Variants in SNTG1 observed in about 807,000 individuals in gnomAD.
SNTG1 encodes syntrophin gamma 1, also known as gamma-1-syntrophin.
Under a neutral mutation model 74.7 loss-of-function variants are expected in SNTG1, and 39 were observed. That is an observed-to-expected ratio of 0.52 (90% confidence interval 0.40 to 0.68). The LOEUF is 0.68. Ranked by LOEUF, SNTG1 falls within the 30% of genes least tolerant of loss-of-function variation. The pLI is 0.00. For synonymous variants in SNTG1, 254 were observed against 217.1 expected, an observed-to-expected ratio of 1.17 and a Z score of -1.49; for missense variants, 685 against 609.5, an observed-to-expected ratio of 1.12 and a Z score of -1.30.
At chr8:50,767,174 A>G (rs766974041) in intron 18 of SNTG1, among the ~76,000 whole-genome samples, 8 of 151,962 alleles carry the variant, frequency 5.3e-5, no homozygotes, top group Non-Finnish European at 1.2e-4. Context: ...AACAATTCAT[A>G]TACATATTCC....
intron 2 of SNTG1, among the ~76,000 whole-genome samples, chr8:50,270,957 T>TA (rs2087747263): frequency 6.6e-6 from 1 of 152,164 alleles, no homozygotes. Flanking sequence ...AAAGTTACTC[T>TA]AAATATGTGC....
chr8:50,749,935 G>T (rs900394043), intron 17 of SNTG1, among the ~76,000 whole-genome samples: 2 of 151,938 alleles, frequency 1.3e-5, no homozygotes, highest in Non-Finnish European at 2.9e-5. Context: ...GAGTATTTTC[G>T]ACTTTCAAGT....
chr8:50,502,790 C>T lies in SNTG1; in HGVS notation c.376C>T (p.Arg126Trp), dbSNP rs1162043922. 1.4e-5 allele frequency: 22 copies of T among 1,611,686 alleles called. No individual in the cohort carries two copies. Among genetic ancestry groups the T allele is most frequent in the African/African-American group, 9.4e-5 (7 of 74,816 alleles). ...TTCTTTTTTTCAGGTTCAGGTTCTT[C>T]GGAATGCTGGAGAAGAAGTGACTCT... Reference protein sequence around the residue: ...CRHEEVVQVLRNAGEEVTLTV... With the variant: ...CRHEEVVQVLWNAGEEVTLTV... The change falls in exon 9 of 19, where the codon CGG (arginine) becomes TGG (tryptophan). Residue 126 changes from arginine to tryptophan, a missense_variant. Arg to Trp is a moderately radical substitution (Grantham distance 101, BLOSUM62 -3). Coordinates refer to ENST00000642720, the MANE Select transcript of SNTG1 (RefSeq NM_018967.5).
intron 17 of SNTG1, among the ~76,000 whole-genome samples, chr8:50,744,102 TC>T (rs1563801231): frequency 6.6e-6 from 1 of 151,982 alleles, no homozygotes; most frequent in Non-Finnish European, 1.5e-5. Flanking sequence ...GCCCCCGTGA[TC>T]CACACACCTC....
At chr8:49,966,642 A>C (rs1811169103) in intron 1 of SNTG1, among the ~76,000 whole-genome samples, 1 of 151,922 alleles carries the variant, frequency 6.6e-6, no homozygotes, top group Non-Finnish European at 1.5e-5. Flanking sequence ...TGATCCATCC[A>C]CCTTGGCCTC....
intron 11 of SNTG1, among the ~76,000 whole-genome samples, chr8:50,550,834 T>C (rs1181889597): frequency 6.6e-6 from 1 of 152,138 alleles, no homozygotes; most frequent in African/African-American, 2.4e-5. Flanking sequence ...ACTATTTTTG[T>C]TTATCTTGAG....
At position 50,001,424 on chromosome 8, in the gene SNTG1, T is replaced by C. The variant is rs1374429056; in HGVS notation, c.-103+89193T>C. ...TGGCCTTGAACTGCTAGAAACTATA[T>C]TAGTGTTTACTGAAGTCTTTATAGG... is the stretch of plus-strand genomic sequence containing the variant. On this transcript the variant is annotated intron_variant, in intron 1 of 18. Coordinates refer to ENST00000642720, the MANE Select transcript of SNTG1 (RefSeq NM_018967.5). Among the ~76,000 whole-genome samples the C allele has an allele frequency of 2.0e-5, 3 of 152,090 alleles. No homozygotes were observed. In the East Asian group the frequency reaches 5.8e-4, roughly 29 times the overall value.
intron 1 of SNTG1, among the ~76,000 whole-genome samples, chr8:50,087,525 G>A (rs1329743514): frequency 6.6e-6 from 1 of 151,908 alleles, no homozygotes; most frequent in Admixed American, 6.6e-5. Flanking sequence ...TTTCTCTTTT[G>A]TTTCTAAAAT....
At chr8:50,606,662 A>G (rs2094815086) in intron 13 of SNTG1, among the ~76,000 whole-genome samples, 1 of 151,642 alleles carries the variant, frequency 6.6e-6, no homozygotes. Context: ...CATAGGGGAA[A>G]TCATTAAATA....
At chr8:50,452,926 G>C (rs539939936) in intron 8 of SNTG1, among the ~76,000 whole-genome samples, 1 of 152,286 alleles carries the variant, frequency 6.6e-6, no homozygotes, top group South Asian at 2.1e-4. Context: ...AGAGAATGTA[G>C]GTGGTTTTGA....
chr8:50,477,800 A>G (rs2093708763), intron 8 of SNTG1, among the ~76,000 whole-genome samples: 1 of 152,162 alleles, frequency 6.6e-6, no homozygotes, highest in Non-Finnish European at 1.5e-5. Context: ...TAACACAACC[A>G]TTCTATTTTT....
At chr8:50,371,097 T>C (rs2092257900) in intron 2 of SNTG1, among the ~76,000 whole-genome samples, 1 of 152,164 alleles carries the variant, frequency 6.6e-6, no homozygotes, top group East Asian at 1.9e-4. Flanking sequence ...CATGGGTCTT[T>C]ATGATTTTGG....
intron 9 of SNTG1, among the ~76,000 whole-genome samples, chr8:50,510,093 ATAAC>A (rs2094053548): frequency 6.6e-6 from 1 of 152,214 alleles, no homozygotes; most frequent in South Asian, 2.1e-4. Flanking sequence ...CATCCCATCA[ATAAC>A]TAATTTATTG....
intron 2 of SNTG1, among the ~76,000 whole-genome samples, chr8:50,354,336 G>A (rs1348996552): frequency 1.3e-5 from 2 of 152,092 alleles, no homozygotes; most frequent in African/African-American, 4.8e-5. Flanking sequence ...CTTTAAATTA[G>A]AGTCTATCAA....
intron 17 of SNTG1, among the ~76,000 whole-genome samples, chr8:50,717,087 C>T (rs1341544129): frequency 6.6e-6 from 1 of 152,110 alleles, no homozygotes; most frequent in African/African-American, 2.4e-5. Flanking sequence ...TGAAAATTAA[C>T]ACATAATTCA....
At chr8:50,691,023 G>C (rs1425131292) in intron 15 of SNTG1, among the ~76,000 whole-genome samples, 2 of 152,128 alleles carry the variant, frequency 1.3e-5, no homozygotes, top group Non-Finnish European at 1.5e-5. Context: ...TGTCTCTTTT[G>C]ATCTTTGTTG....
intron 1 of SNTG1, among the ~76,000 whole-genome samples, chr8:50,150,805 C>T (rs549718741): frequency 5.3e-4 from 81 of 152,240 alleles, no homozygotes; most frequent in Non-Finnish European, 2.2e-4. Context: ...CTGCTGGATT[C>T]GGTTTGTCAG....
intron 1 of SNTG1, among the ~76,000 whole-genome samples, chr8:50,008,834 G>T (rs887859310): frequency 6.6e-6 from 1 of 152,108 alleles, no homozygotes; most frequent in Non-Finnish European, 1.5e-5. Flanking sequence ...TTGTATAGAT[G>T]CATTACTTAA....
intron 5 of SNTG1, among the ~76,000 whole-genome samples, chr8:50,446,995 A>G (rs1350492417): frequency 6.6e-6 from 1 of 151,332 alleles, no homozygotes; most frequent in Non-Finnish European, 1.5e-5. Context: ...AAATGGAATT[A>G]TAATAATACA....
Sources: gnomAD v4.1 joint callset for allele counts (sites outside exome capture counted in the v4.1 genomes callset) on GRCh38, gnomAD v4.1.1 for gene constraint, MANE v1.5 for transcripts, NCBI Gene and HGNC (gene_info 2026-07-23, HGNC 2026-07-21) for gene names.